Variants in MBNL1 observed in about 807,000 individuals in gnomAD.
The protein encoded by MBNL1 is muscleblind-like protein 1.
Under a neutral mutation model 42.2 loss-of-function variants are expected in MBNL1, and 8 were observed. That is an observed-to-expected ratio of 0.19 (90% confidence interval 0.11 to 0.34). The LOEUF (loss-of-function observed/expected upper bound fraction) is 0.34, where lower values mean the gene tolerates loss of function less well. Among genes scored for constraint, MBNL1 ranks in the 10% least tolerant of loss-of-function variants. MBNL1 has a pLI of 1.00. For synonymous variants in MBNL1, 169 were observed against 173.9 expected, an observed-to-expected ratio of 0.97 and a Z score of 0.22; for missense variants, 309 against 495.3, an observed-to-expected ratio of 0.62 and a Z score of 3.57.
At chr3:152,416,772 G>T (rs1380046386) in intron 3 of MBNL1, among the ~76,000 whole-genome samples, 1 of 151,986 alleles carries the variant, frequency 6.6e-6, no homozygotes, top group Non-Finnish European at 1.5e-5. Flanking sequence ...TGCAATCCTG[G>T]GACAAACTGT....
chr3:152,349,591 T>C (rs1175286098), intron 2 of MBNL1, among the ~76,000 whole-genome samples: 1 of 152,138 alleles, frequency 6.6e-6, no homozygotes, highest in East Asian at 1.9e-4. Flanking sequence ...CTGGATATAA[T>C]TTCTGACTTA....
chr3:152,275,087 C>T (rs1463773415), intron 1 of MBNL1, among the ~76,000 whole-genome samples: 3 of 152,188 alleles, frequency 2.0e-5, no homozygotes, highest in Admixed American at 2.0e-4. Context: ...AAAAGTGACA[C>T]ATTAGCATTT....
chr3:152,402,021 G>C (rs2098245133), intron 2 of MBNL1, among the ~76,000 whole-genome samples: 1 of 136,704 alleles, frequency 7.3e-6, no homozygotes, highest in Non-Finnish European at 1.6e-5. Context: ...GACAGAGCAA[G>C]ACTCTGTCTC....
intron 1 of MBNL1, among the ~76,000 whole-genome samples, chr3:152,298,634 T>C: frequency 6.6e-6 from 1 of 152,360 alleles, no homozygotes; most frequent in East Asian, 1.9e-4. Context: ...CTTTTGTTCA[T>C]ATCTTGCCTG....
chr3:152,288,518 G>A (rs1299275628), intron 1 of MBNL1, among the ~76,000 whole-genome samples: 2 of 151,890 alleles, frequency 1.3e-5, no homozygotes, highest in African/African-American at 4.8e-5. Flanking sequence ...CCTTTAATCA[G>A]TTAGCATCCA....
At position 152,414,903 on chromosome 3, in the gene MBNL1, C is replaced by T. The variant is rs186337384; in HGVS notation, c.175-38C>T. On this transcript the variant is annotated intron_variant, in intron 2 of 9. Coordinates refer to ENST00000324210, the MANE Select transcript of MBNL1 (RefSeq NM_021038.5). ...TTTTTCATAATTTGCTGATTTTATTCTTTTCTAAGATGATGTTTGCTGCTT... is the reference window on the plus strand; with the variant it reads ...TTTTTCATAATTTGCTGATTTTATTTTTTTCTAAGATGATGTTTGCTGCTT... 3.7e-5 allele frequency: 59 copies of T among 1,595,634 alleles called. 2 individuals are homozygous for T. In the Admixed American group the frequency reaches 5.6e-4, roughly 15 times the overall value.
chr3:152,257,858 T>C (rs553504376), intron 2 of MBNL1, among the ~76,000 whole-genome samples: 25 of 152,358 alleles, frequency 1.6e-4, no homozygotes, highest in Non-Finnish European at 1.6e-4. Context: ...GTGCATCTTA[T>C]ACTCTTCGTT....
chr3:152,435,107 CTT>C lies in MBNL1; in HGVS notation c.549+2189_549+2190del, dbSNP rs534344167. 5.9e-5 allele frequency among the ~76,000 whole-genome samples: 9 copies of C among 151,366 alleles called. No individual in the cohort carries two copies. The East Asian group carries it at 1.7e-3, about 29-fold the overall frequency. The stretch of plus-strand genomic sequence containing the variant: ...GCTTTTGGCATATTTGTCATGAAAT[CTT>C]TGCCAGGTCCTATGTCAAGAATGGT... On this transcript the variant is annotated intron_variant, in intron 4 of 9. Coordinates refer to ENST00000324210, the MANE Select transcript of MBNL1 (RefSeq NM_021038.5).
At chr3:152,283,322 C>T (rs925525059) in intron 1 of MBNL1, among the ~76,000 whole-genome samples, 5 of 152,100 alleles carry the variant, frequency 3.3e-5, no homozygotes, top group South Asian at 4.2e-4. Flanking sequence ...ATTTTATTTA[C>T]GTGTGATATA....
chr3:152,413,151 A>G (rs1199162083), intron 2 of MBNL1, among the ~76,000 whole-genome samples: 1 of 152,204 alleles, frequency 6.6e-6, no homozygotes, highest in Non-Finnish European at 1.5e-5. Flanking sequence ...CTTTTAAGCT[A>G]ATAACATGCT....
At chr3:152,293,373 A>G (rs915525996) in intron 1 of MBNL1, among the ~76,000 whole-genome samples, 1 of 152,246 alleles carries the variant, frequency 6.6e-6, no homozygotes, top group Admixed American at 6.5e-5. Context: ...GAATACAGAG[A>G]TGGCTGTACA....
chr3:152,428,771 T>A (rs1474714647), intron 3 of MBNL1, among the ~76,000 whole-genome samples: 1 of 152,194 alleles, frequency 6.6e-6, no homozygotes, highest in Non-Finnish European at 1.5e-5. Context: ...CTCCGGATGA[T>A]TTTAATGGAC....
intron 2 of MBNL1, among the ~76,000 whole-genome samples, chr3:152,374,815 C>T (rs1340134427): frequency 6.6e-6 from 1 of 152,140 alleles, no homozygotes; most frequent in East Asian, 1.9e-4. Flanking sequence ...GCGGCAAATC[C>T]TTTGTGTTCT....
chr3:152,457,725 A>C (rs143459037), intron 8 of MBNL1: 1 of 173,158 alleles, frequency 5.8e-6, no homozygotes, highest in East Asian at 1.5e-4. Flanking sequence ...GATTCAATAC[A>C]ATCCATCTAT....
At chr3:152,372,447 T>A (rs550202049) in intron 2 of MBNL1, among the ~76,000 whole-genome samples, 19 of 152,326 alleles carry the variant, frequency 1.2e-4, no homozygotes, top group African/African-American at 4.6e-4. Flanking sequence ...CTGCCTTTGG[T>A]CTTTGATGTT....
At chr3:152,285,125 AG>A (rs1559999486) in intron 1 of MBNL1, among the ~76,000 whole-genome samples, 3 of 152,174 alleles carry the variant, frequency 2.0e-5, no homozygotes. Context: ...ATCAATATTC[AG>A]GGGTTTCTCC....
At chr3:152,391,601 G>C (rs1461349816) in intron 2 of MBNL1, among the ~76,000 whole-genome samples, 1 of 152,172 alleles carries the variant, frequency 6.6e-6, no homozygotes, top group Admixed American at 6.5e-5. Context: ...AGTGTTGGGG[G>C]CTTAATTCTA....
chr3:152,400,330 T>G (rs77552984), intron 2 of MBNL1, among the ~76,000 whole-genome samples: 10,841 of 152,272 alleles, frequency 0.071, 513 homozygotes, highest in Middle Eastern at 0.16. Flanking sequence ...AGCTATGAAA[T>G]TTTTAACTTG....
chr3:152,344,271 A>C (rs373133299), intron 2 of MBNL1, among the ~76,000 whole-genome samples: 1 of 152,158 alleles, frequency 6.6e-6, no homozygotes, highest in East Asian at 1.9e-4. Context: ...GCACAAACTC[A>C]TACTTTTTTT....
Sources: allele counts gnomAD v4.1 joint callset (sites outside exome capture counted in the v4.1 genomes callset), GRCh38; gene constraint gnomAD v4.1.1; transcripts MANE v1.5; gene names NCBI Gene and HGNC (gene_info 2026-07-23, HGNC 2026-07-21).